The following XKR6 variants were observed in gnomAD, a reference collection of about 807,000 sequenced individuals.
XKR6 encodes XK-related protein 6.
XKR6 carries 22 observed loss-of-function variants against 56.7 expected under a neutral mutation model. That is an observed-to-expected ratio of 0.39 (90% CI 0.28 to 0.55). XKR6 has a LOEUF of 0.55. XKR6 is among the 20% of genes least tolerant of loss of function. XKR6 has a pLI of 0.66. For missense variants in XKR6, 852 were observed against 889.0 expected (o/e 0.96, Z 0.53); for synonymous variants, 524 against 387.8 (o/e 1.35, Z -4.13).
At chr8:10,987,896 C>A (rs1456476389) in intron 1 of XKR6, among the ~76,000 whole-genome samples, 2 of 152,228 alleles carry the variant, frequency 1.3e-5, no homozygotes, top group Non-Finnish European at 2.9e-5. Flanking sequence ...TCTCACAGCA[C>A]CTGCAGGGCT....
At chr8:11,179,950 T>C (rs962982959) in intron 1 of XKR6, among the ~76,000 whole-genome samples, 1 of 151,700 alleles carries the variant, frequency 6.6e-6, no homozygotes, top group Non-Finnish European at 1.5e-5. Flanking sequence ...CTGGGCAACA[T>C]GGCGAGACCC....
intron 1 of XKR6, among the ~76,000 whole-genome samples, chr8:11,110,742 C>T (rs980116895): frequency 5.9e-5 from 9 of 152,180 alleles, no homozygotes; most frequent in Admixed American, 4.6e-4. Context: ...AATACAAATT[C>T]TCATTCATTC....
intron 2 of XKR6, among the ~76,000 whole-genome samples, chr8:10,911,688 G>C (rs527372306): frequency 4.0e-5 from 6 of 148,346 alleles, no homozygotes; most frequent in African/African-American, 1.2e-4. Context: ...GAGAGGGTGA[G>C]TATATATATA....
At chr8:11,027,174 A>T (rs936243197) in intron 1 of XKR6, among the ~76,000 whole-genome samples, 2 of 152,236 alleles carry the variant, frequency 1.3e-5, no homozygotes, top group Non-Finnish European at 2.9e-5. Flanking sequence ...GTTGTAACAC[A>T]GTGGTAAGTA....
intron 1 of XKR6, among the ~76,000 whole-genome samples, chr8:10,962,108 C>A (rs769640010): frequency 2.0e-5 from 3 of 152,270 alleles, no homozygotes; most frequent in South Asian, 2.1e-4. Context: ...TGACTTTCCG[C>A]GGGGGCGACA....
intron 1 of XKR6, among the ~76,000 whole-genome samples, chr8:11,133,723 T>G (rs1016448768): frequency 2.0e-5 from 3 of 152,094 alleles, no homozygotes; most frequent in Non-Finnish European, 4.4e-5. Flanking sequence ...AAATCCTCCA[T>G]GTCCTCAATA....
intron 1 of XKR6, among the ~76,000 whole-genome samples, chr8:11,037,813 G>A (rs192315804): frequency 9.9e-5 from 15 of 150,952 alleles, no homozygotes; most frequent in Admixed American, 2.6e-4. Context: ...AGCCGAGATC[G>A]TGCCACTGCA....
intron 1 of XKR6, among the ~76,000 whole-genome samples, chr8:11,004,794 T>G (rs897066842): frequency 1.6e-4 from 25 of 152,316 alleles, no homozygotes; most frequent in African/African-American, 5.8e-4. Context: ...AACCCAAGTG[T>G]CCATCAAACA....
intron 1 of XKR6, among the ~76,000 whole-genome samples, chr8:10,997,609 A>G (rs573610298): frequency 3.7e-4 from 56 of 152,330 alleles, no homozygotes; most frequent in South Asian, 1.5e-3. Flanking sequence ...AGAATGTGCC[A>G]GGGCACAGCC....
chr8:10,977,746 C>G (rs73662658), intron 1 of XKR6, among the ~76,000 whole-genome samples: 15,108 of 151,020 alleles, frequency 0.1, 1,275 homozygotes, highest in African/African-American at 0.22. Context: ...TGGAATCAGG[C>G]AGTAACGTGG....
chr8:10,994,657 T>C (rs1002549640), intron 1 of XKR6, among the ~76,000 whole-genome samples: 1 of 152,226 alleles, frequency 6.6e-6, no homozygotes, highest in African/African-American at 2.4e-5. Context: ...GCATTGAGTG[T>C]GTACTCTCCA....
chr8:11,137,555 T>C (rs1226751734), intron 1 of XKR6: 1 of 456,242 alleles, frequency 2.2e-6, no homozygotes, highest in Admixed American at 2.3e-5. Context: ...ACCCCAGTGT[T>C]CTGGAAGAAA....
chr8:11,121,378 G>T (rs1799447276), intron 1 of XKR6, among the ~76,000 whole-genome samples: 1 of 152,112 alleles, frequency 6.6e-6, no homozygotes, highest in South Asian at 2.1e-4. Context: ...GTGAGCGAAG[G>T]ATATGAACAG....
chr8:11,095,977 G>T (rs1463821343), intron 1 of XKR6, among the ~76,000 whole-genome samples: 1 of 152,132 alleles, frequency 6.6e-6, no homozygotes, highest in Non-Finnish European at 1.5e-5. Context: ...CACAAGAGCA[G>T]AAGAAAGCAT....
chr8:11,174,238 A>G (rs1466998204), intron 1 of XKR6, among the ~76,000 whole-genome samples: 1 of 152,242 alleles, frequency 6.6e-6, no homozygotes. Context: ...ACACACGTGG[A>G]GATTCCAAAC....
rs914413829 is a variant in XKR6, at chr8:11,152,834, T to C, written c.764+47742A>G. 2.6e-5 allele frequency among the ~76,000 whole-genome samples: 4 copies of C among 152,196 alleles called. No individual in the cohort carries two copies. The East Asian group carries it at 5.8e-4, about 22-fold the overall frequency. Reference sequence around the variant, plus strand: ...ATAATTATCCAATCAAAATTCTGAATGATGAGAAGTTTCCTATGCAGTCCT... The same window carrying C: ...ATAATTATCCAATCAAAATTCTGAACGATGAGAAGTTTCCTATGCAGTCCT... On this transcript the variant is annotated intron_variant, in intron 1 of 2. Coordinates refer to ENST00000416569, the MANE Select transcript of XKR6 (RefSeq NM_173683.4).
At chr8:11,186,302 C>G (rs1803270455) in intron 1 of XKR6, among the ~76,000 whole-genome samples, 3 of 152,154 alleles carry the variant, frequency 2.0e-5, no homozygotes, top group Admixed American at 2.0e-4. Flanking sequence ...TGCCCAGCCA[C>G]CCTTGATCTA....
At chr8:11,166,723 C>A (rs1802092646) in intron 1 of XKR6, among the ~76,000 whole-genome samples, 1 of 152,048 alleles carries the variant, frequency 6.6e-6, no homozygotes, top group Non-Finnish European at 1.5e-5. Context: ...CAAGTGCCCA[C>A]CACCACACCA....
At chr8:11,037,924 G>C (rs1586462329) in intron 1 of XKR6, among the ~76,000 whole-genome samples, 1 of 151,878 alleles carries the variant, frequency 6.6e-6, no homozygotes, top group South Asian at 2.1e-4. Context: ...CTACTCGGGA[G>C]GCTGAGGCAG....
Sources: allele counts gnomAD v4.1 joint callset (sites outside exome capture counted in the v4.1 genomes callset), GRCh38; gene constraint gnomAD v4.1.1; transcripts MANE v1.5; gene names NCBI Gene and HGNC (gene_info 2026-07-23, HGNC 2026-07-21).